The following SLC9A9 variants were observed in gnomAD, a reference collection of about 807,000 sequenced individuals.
SLC9A9 encodes the protein sodium/hydrogen exchanger 9.
In SLC9A9, 62 loss-of-function variants were observed where a neutral mutation model predicts 77.8. The observed-to-expected ratio is 0.80, with a 90% CI of 0.65 to 0.98. The LOEUF is 0.98. Ranked by LOEUF, SLC9A9 falls within the 50% of genes least tolerant of loss-of-function variation. The pLI is 0.00. For missense variants in SLC9A9, 775 were observed against 774.9 expected, an observed-to-expected ratio of 1.00 and a Z score of 0.00; for synonymous variants, 320 against 283.5, an observed-to-expected ratio of 1.13 and a Z score of -1.29.
intron 14 of SLC9A9, among the ~76,000 whole-genome samples, chr3:143,290,620 C>A (rs2029914500): frequency 6.6e-6 from 1 of 152,190 alleles, no homozygotes; most frequent in East Asian, 1.9e-4. Flanking sequence ...TAACACCCCC[C>A]AAATTCTGAA....
At chr3:143,446,920 A>G (rs2108549645) in intron 12 of SLC9A9, among the ~76,000 whole-genome samples, 1 of 151,652 alleles carries the variant, frequency 6.6e-6, no homozygotes, top group Non-Finnish European at 1.5e-5. Context: ...GTGTGCACAC[A>G]ATCATATGTG....
At position 143,370,567 on chromosome 3, in the gene SLC9A9, G is replaced by GCACACACACACACACA. The variant is rs57705324; in HGVS notation, c.1525-7020_1525-7005dup. 6.1e-3 allele frequency among the ~76,000 whole-genome samples: 880 copies of GCACACACACACACACA among 143,386 alleles called. 5 individuals carry two copies. The highest frequency in any genetic ancestry group is 0.012 in the African/African-American group (465 of 38,776). 94.1% of individuals were successfully genotyped at this position (143,386 alleles called of 152,430 possible). On this transcript the variant is annotated intron_variant, in intron 13 of 15. Transcript: ENST00000316549. ...TGTACACAAGTATATGCATGTGCGC[G>GCACACACACACACACA]CACACACACACACACACACACACAC... is the stretch of plus-strand genomic sequence containing the variant.
chr3:143,540,608 AG>A (rs2036671887), intron 9 of SLC9A9, among the ~76,000 whole-genome samples: 1 of 152,222 alleles, frequency 6.6e-6, no homozygotes, highest in Non-Finnish European at 1.5e-5. Context: ...TCACGTGTAA[AG>A]TTTCATAAAT....
At chr3:143,274,601 G>C (rs955289155) in intron 14 of SLC9A9, among the ~76,000 whole-genome samples, 5 of 152,172 alleles carry the variant, frequency 3.3e-5, no homozygotes, top group African/African-American at 1.2e-4. Flanking sequence ...TGAAAAAAGT[G>C]TACAAACTGT....
In SLC9A9 at chr3:143,525,613, C is replaced by T. The variant is rs565098708; in HGVS notation, c.1089+26749G>A. ...TGGAAATAGCATTCAAATGTCATCA[C>T]AACCTTGCAGCATATTTCTGAGTCT... On this transcript the variant is annotated intron_variant, in intron 9 of 15. Transcript: ENST00000316549. Among the ~76,000 whole-genome samples, 163 of 152,292 alleles carry T rather than the reference C, an allele frequency of 1.1e-3. 1 individual carries two copies. Among genetic ancestry groups the T allele is most frequent in the African/African-American group, 3.8e-3 (157 of 41,566 alleles).
intron 14 of SLC9A9, among the ~76,000 whole-genome samples, chr3:143,296,917 G>A (rs1233159074): frequency 6.6e-6 from 1 of 152,002 alleles, no homozygotes; most frequent in Non-Finnish European, 1.5e-5. Context: ...TATATATTTT[G>A]TATATTTGCC....
At chr3:143,564,863 C>T (rs183617689) in intron 8 of SLC9A9, among the ~76,000 whole-genome samples, 17 of 152,248 alleles carry the variant, frequency 1.1e-4, no homozygotes, top group Admixed American at 9.2e-4. Context: ...TTAAAAATAT[C>T]CTCTATGTAA....
intron 4 of SLC9A9, among the ~76,000 whole-genome samples, chr3:143,771,815 G>T (rs997216674): frequency 3.3e-5 from 5 of 152,116 alleles, no homozygotes; most frequent in Non-Finnish European, 5.9e-5. Context: ...GGAAGCAGAG[G>T]ACTTCACCTC....
At chr3:143,488,499 C>T (rs987498869) in intron 11 of SLC9A9, among the ~76,000 whole-genome samples, 1 of 151,806 alleles carries the variant, frequency 6.6e-6, no homozygotes, top group Non-Finnish European at 1.5e-5. Flanking sequence ...AAATTCTCAA[C>T]AAAAAACTAG....
chr3:143,810,884 C>A (rs950543223), intron 2 of SLC9A9, among the ~76,000 whole-genome samples: 1 of 152,180 alleles, frequency 6.6e-6, no homozygotes, highest in African/African-American at 2.4e-5. Context: ...TGTATAATTG[C>A]ATCTAAGGTG....
intron 4 of SLC9A9, among the ~76,000 whole-genome samples, chr3:143,697,127 G>A (rs995402433): frequency 6.6e-6 from 1 of 151,356 alleles, no homozygotes; most frequent in Non-Finnish European, 1.5e-5. Context: ...TATTAAAACT[G>A]TATATAATAA....
chr3:143,779,538 T>C lies in SLC9A9; in HGVS notation c.533+15463A>G, dbSNP rs116086745. ...AAGTATGCACCACATGCCTCGCCAA[T>C]TTTTGTATTTTTAGTACAGTCGGGG... On this transcript the variant is annotated intron_variant, in intron 4 of 15. Transcript: ENST00000316549. 9.9e-3 allele frequency among the ~76,000 whole-genome samples: 1,502 copies of C among 152,204 alleles called. 20 individuals carry two copies. The highest frequency in any genetic ancestry group is 0.034 in the African/African-American group (1,403 of 41,512).
intron 4 of SLC9A9, among the ~76,000 whole-genome samples, chr3:143,708,037 C>T (rs1338595222): frequency 1.3e-5 from 2 of 152,100 alleles, no homozygotes; most frequent in Non-Finnish European, 2.9e-5. Context: ...ATCAAGCCTC[C>T]CTTCTGTGAA....
intron 8 of SLC9A9, among the ~76,000 whole-genome samples, chr3:143,558,133 C>T (rs966598858): frequency 6.6e-6 from 1 of 152,140 alleles, no homozygotes; most frequent in Non-Finnish European, 1.5e-5. Context: ...TGGTGTGGAG[C>T]CTGTGGGTAC....
At chr3:143,794,862 C>T in intron 4 of SLC9A9, 139 bp downstream of exon 4, 1 of 782,222 alleles carries the variant, frequency 1.3e-6, no homozygotes, top group Non-Finnish European at 2.2e-6. Context: ...GGAATTAAGT[C>T]AGAAAAAACA....
At chr3:143,396,170 T>A (rs2033723777) in intron 12 of SLC9A9, among the ~76,000 whole-genome samples, 1 of 152,216 alleles carries the variant, frequency 6.6e-6, no homozygotes, top group South Asian at 2.1e-4. Context: ...TGCAGCACTA[T>A]TCACAATAGG....
chr3:143,728,175 G>T (rs1196136157), intron 4 of SLC9A9, among the ~76,000 whole-genome samples: 3 of 152,144 alleles, frequency 2.0e-5, no homozygotes, highest in Non-Finnish European at 2.9e-5. Context: ...AAACAGAAAA[G>T]GTGCTGCCCT....
Position 143,337,605 on chromosome 3 carries a change from T to A in SLC9A9, c.1604+25879A>T, listed in dbSNP as rs139881216. ...TCCCCTGGGACGCTGGAGAAACATA[T>A]GGCTCCCTTGGCCTTAACCGCAGGC... On this transcript the variant is annotated intron_variant, in intron 14 of 15. Transcript: ENST00000316549. Among the ~76,000 whole-genome samples, 296 of 152,334 alleles carry A rather than the reference T, an allele frequency of 1.9e-3. 2 individuals are homozygous for A. Among genetic ancestry groups the A allele is most frequent in the African/African-American group, 6.6e-3 (276 of 41,574 alleles).
At chr3:143,480,183 G>A (rs760698075) in intron 11 of SLC9A9, among the ~76,000 whole-genome samples, 1 of 152,200 alleles carries the variant, frequency 6.6e-6, no homozygotes, top group African/African-American at 2.4e-5. Flanking sequence ...AAATATTGTG[G>A]TGTGCCAAAT....
Sources: gnomAD v4.1 joint callset for allele counts (sites outside exome capture counted in the v4.1 genomes callset) on GRCh38, gnomAD v4.1.1 for gene constraint, MANE v1.5 for transcripts, NCBI Gene and HGNC (gene_info 2026-07-23, HGNC 2026-07-21) for gene names.